The following DPP6 variants were observed in gnomAD, a reference collection of about 807,000 sequenced individuals.
DPP6 encodes the protein dipeptidyl peptidase like 6.
Under a neutral mutation model 122.6 loss-of-function variants are expected in DPP6, and 69 were observed. That is an observed-to-expected ratio of 0.56 (90% CI 0.46 to 0.69). The LOEUF is 0.69. Among genes scored for constraint, DPP6 ranks in the 30% least tolerant of loss-of-function variants. DPP6 has a pLI of 0.00. For missense variants in DPP6, 928 were observed against 1,116.9 expected (o/e 0.83, Z 2.41); for synonymous variants, 418 against 433.1 (o/e 0.97, Z 0.43).
intron 22 of DPP6, among the ~76,000 whole-genome samples, chr7:154,886,044 G>C (rs1192641380): frequency 6.6e-6 from 1 of 152,232 alleles, no homozygotes; most frequent in Non-Finnish European, 1.5e-5. Flanking sequence ...AGGAAGCCAG[G>C]GTGCGCAGGA....
rs527790353 is a variant in DPP6, at chr7:154,081,600, C to T, written c.243+28537C>T. Among the ~76,000 whole-genome samples the T allele has an allele frequency of 2.2e-3, 324 of 148,344 alleles. 2 individuals are homozygous for T. Among genetic ancestry groups the T allele is most frequent in the Non-Finnish European group, 3.9e-3 (260 of 67,520 alleles). Reference sequence around the variant, plus strand: ...GGGCAATGAAGGCTTCTAGGAAAGGCGGGCCTTGGTTCATGATCCGTGGTG... The same window carrying T: ...GGGCAATGAAGGCTTCTAGGAAAGGTGGGCCTTGGTTCATGATCCGTGGTG... On this transcript the variant is annotated intron_variant, in intron 1 of 25. Transcript: ENST00000377770.
chr7:154,173,531 C>T (rs910685212), intron 1 of DPP6, among the ~76,000 whole-genome samples: 7 of 152,144 alleles, frequency 4.6e-5, no homozygotes, highest in African/African-American at 1.7e-4. Flanking sequence ...ACTCCTCTCT[C>T]TCTGCCTTCT....
chr7:154,147,577 A>G (rs1427349970), intron 1 of DPP6, among the ~76,000 whole-genome samples: 1 of 151,648 alleles, frequency 6.6e-6, no homozygotes, highest in African/African-American at 2.4e-5. Flanking sequence ...TCTCCCAGGT[A>G]CAAGTGATTC....
intron 1 of DPP6, among the ~76,000 whole-genome samples, chr7:154,287,859 C>T (rs980766545): frequency 1.3e-5 from 2 of 152,256 alleles, no homozygotes; most frequent in Admixed American, 6.5e-5. Context: ...CATTTTTGTC[C>T]CCAAAAGCGG....
chr7:154,006,020 C>T (rs1276336632), intron 1 of DPP6, among the ~76,000 whole-genome samples: 1 of 152,068 alleles, frequency 6.6e-6, no homozygotes, highest in African/African-American at 2.4e-5. Context: ...GAGGCTGTTG[C>T]TGGATTGAAT....
chr7:154,538,130 A>T (rs1278821549), intron 3 of DPP6, among the ~76,000 whole-genome samples: 1 of 152,174 alleles, frequency 6.6e-6, no homozygotes, highest in Admixed American at 6.6e-5. Flanking sequence ...TTCAGGAGGA[A>T]AAAAAAGTAA....
chr7:154,873,149 TATATTCATTA>T (rs1470493948), intron 19 of DPP6, among the ~76,000 whole-genome samples: 2 of 152,252 alleles, frequency 1.3e-5, no homozygotes, highest in Non-Finnish European at 2.9e-5. Flanking sequence ...AGCTCTTTCT[TATATTCATTA>T]ATAAAGCCTC....
At chr7:154,803,625 G>C (rs1053114721) in intron 13 of DPP6, among the ~76,000 whole-genome samples, 2 of 152,210 alleles carry the variant, frequency 1.3e-5, no homozygotes, top group Admixed American at 1.3e-4. Context: ...AGAGGACAGG[G>C]CACTGTTCCC....
chr7:154,676,165 C>T (rs570004151), intron 7 of DPP6, among the ~76,000 whole-genome samples: 1 of 148,202 alleles, frequency 6.7e-6, no homozygotes, highest in South Asian at 2.1e-4. Flanking sequence ...TGACCTCCTA[C>T]ACAGGTGTTC....
chr7:154,526,283 T>G (rs903022227), intron 3 of DPP6, among the ~76,000 whole-genome samples: 4 of 152,176 alleles, frequency 2.6e-5, no homozygotes, highest in Non-Finnish European at 5.9e-5. Context: ...GGTCTGGAGG[T>G]CTGCTCACCA....
chr7:154,766,250 A>G (rs767519991), intron 8 of DPP6, among the ~76,000 whole-genome samples: 5 of 152,176 alleles, frequency 3.3e-5, no homozygotes, highest in Non-Finnish European at 5.9e-5. Context: ...ACCCTCTGCC[A>G]TCACACACAC....
At chr7:154,445,352 T>C (rs1187146003) in intron 1 of DPP6, among the ~76,000 whole-genome samples, 3 of 152,232 alleles carry the variant, frequency 2.0e-5, no homozygotes, top group Admixed American at 2.0e-4. Context: ...TTACTTATTA[T>C]CAAGCATTCA....
chr7:154,872,000 T>C (rs1209561865), intron 18 of DPP6, among the ~76,000 whole-genome samples: 1 of 152,150 alleles, frequency 6.6e-6, no homozygotes, highest in East Asian at 1.9e-4. Context: ...CCAGTGACCT[T>C]GGTAGCCACG....
At chr7:154,715,423 A>C (rs1841428361) in intron 7 of DPP6, among the ~76,000 whole-genome samples, 1 of 152,216 alleles carries the variant, frequency 6.6e-6, no homozygotes, top group South Asian at 2.1e-4. Flanking sequence ...ATTGAGGCCT[A>C]CTTTAATTTC....
intron 7 of DPP6, among the ~76,000 whole-genome samples, chr7:154,673,327 C>T (rs1490651702): frequency 6.6e-6 from 1 of 152,220 alleles, no homozygotes; most frequent in Non-Finnish European, 1.5e-5. Flanking sequence ...TGACTGATTT[C>T]AGTGATGCCT....
intron 1 of DPP6, among the ~76,000 whole-genome samples, chr7:154,190,084 G>A (rs1221728750): frequency 2.0e-5 from 3 of 152,212 alleles, no homozygotes; most frequent in Non-Finnish European, 4.4e-5. Context: ...AAGCTCCAAT[G>A]CATATCTGAT....
chr7:153,774,538 CGTGG>C, the DPP6 span, among the ~76,000 whole-genome samples: 466 of 152,214 alleles, frequency 3.1e-3, no homozygotes, highest in African/African-American at 0.011. Flanking sequence ...ACCATCGCCA[CGTGG>C]GTAATTTGGA....
chr7:154,053,111 A>G (rs1800505463), intron 1 of DPP6, 48 bp downstream of exon 1: 3 of 1,030,842 alleles, frequency 2.9e-6, no homozygotes, highest in Non-Finnish European at 3.5e-6. Flanking sequence ...CTCCGGGCTG[A>G]GCGCGCAGCG....
intron 1 of DPP6, among the ~76,000 whole-genome samples, chr7:154,265,892 C>A (rs79982355): frequency 0.027 from 4,157 of 152,060 alleles, 94 homozygotes; most frequent in South Asian, 0.095. Flanking sequence ...AAAGATCAGA[C>A]AAAATAAAGG....
Sources: gnomAD v4.1 joint callset for allele counts (sites outside exome capture counted in the v4.1 genomes callset) on GRCh38, gnomAD v4.1.1 for gene constraint, MANE v1.5 for transcripts, NCBI Gene and HGNC (gene_info 2026-07-23, HGNC 2026-07-21) for gene names.